Variants in DNAH7 observed in about 807,000 individuals in gnomAD.
DNAH7 encodes the protein dynein axonemal heavy chain 7.
DNAH7 carries 397 observed loss-of-function variants against 444.6 expected under a neutral mutation model. The ratio of observed to expected loss-of-function variants is 0.89; its 90% CI spans 0.82 to 0.97. The LOEUF is 0.97. Ranked by LOEUF, DNAH7 falls within the 50% of genes least tolerant of loss-of-function variation. The pLI, the probability that DNAH7 is intolerant of heterozygous loss-of-function variation, is 0.00. For missense variants in DNAH7, 4,902 were observed against 4,800.8 expected, an observed-to-expected ratio of 1.02 and a Z score of -0.62; for synonymous variants, 1,636 against 1,624.4, an observed-to-expected ratio of 1.01 and a Z score of -0.17.
intron 10 of DNAH7, among the ~76,000 whole-genome samples, chr2:196,007,262 G>A (rs1694434584): frequency 6.6e-6 from 1 of 152,078 alleles, no homozygotes. Flanking sequence ...AGAGAGCCCA[G>A]AAATAAACCC....
rs772929875 is a variant in DNAH7 at position 195,737,953 on chromosome 2, C to T, written c.12043G>A (p.Gly4015Ser). The change falls in exon 65 of 65, where the codon GGT (glycine) becomes AGT (serine). Residue 4015 changes from glycine to serine, a missense_variant. Transcript: ENST00000312428. ...DQPKEHWIGR[G>S]VALLCQLNS ...TTAAGTTGACATAACAGTGCTACAC[C>T]TCGTCCAATCCAGTGTTCCTTGGGT... 9 of 1,613,902 alleles carry T rather than the reference C, an allele frequency of 5.6e-6. No homozygotes were observed. In the Admixed American group the frequency reaches 1.5e-4, roughly 27 times the overall value.
In DNAH7 at chr2:196,019,236, C is replaced by A; in HGVS notation, c.803G>T (p.Arg268Met). The change falls in exon 9 of 65, where the codon AGG becomes ATG. Residue 268 changes from arginine (R) to methionine (M), a missense_variant. Coordinates refer to ENST00000312428, the MANE Select transcript of DNAH7 (RefSeq NM_018897.3). ...KSFLAASSYIRDHLNAMNPTM... is the reference protein window; with the variant it reads ...KSFLAASSYIMDHLNAMNPTM... ...GGGGTTCATTGCATTCAAGTGATCC[C>A]TAATATAACTGCTTGCAGCTAAAAA... The A allele has an allele frequency of 6.6e-7, 1 of 1,517,454 alleles. No individual in the cohort carries two copies. Among genetic ancestry groups the A allele is most frequent in the Non-Finnish European group, 8.9e-7 (1 of 1,120,758 alleles). The allele number at this position is 1,517,454 out of a possible 1,614,324, so 94.0% of individuals were successfully genotyped here.
chr2:195,984,835 A>T (rs1420388393), intron 14 of DNAH7, 125 bp from the exon 15 acceptor site: 1 of 864,474 alleles, frequency 1.2e-6, no homozygotes, highest in African/African-American at 1.7e-5. Context: ...GCTATATGAC[A>T]TCTAATAATT....
In DNAH7 at chr2:195,891,162, G is replaced by A. The variant is rs534045619; in HGVS notation, c.5046+493C>T. Among the ~76,000 whole-genome samples, 195 of 152,310 alleles carry A rather than the reference G, an allele frequency of 1.3e-3. 4 individuals carry two copies. Among genetic ancestry groups the A allele is most frequent in the Non-Finnish European group, 2.9e-5 (2 of 68,038 alleles). ...CACTTGTCTCCTCTGCTTTCCACAA[G>A]GCAGTCATTCTCTTTCTAATATGCT... On this transcript the variant is annotated intron_variant, in intron 31 of 64. Transcript: ENST00000312428.
intron 46 of DNAH7, among the ~76,000 whole-genome samples, chr2:195,846,949 A>ATATGTGTGTGTGTG (rs1553535817): frequency 7.3e-6 from 1 of 137,158 alleles, no homozygotes; most frequent in African/African-American, 2.8e-5. Context: ...ACTCCCATAT[A>ATATGTGTGTGTGTG]TGTGTGTGTG....
At chr2:196,036,392 C>T (rs1193351199) in intron 5 of DNAH7, among the ~76,000 whole-genome samples, 1 of 152,128 alleles carries the variant, frequency 6.6e-6, no homozygotes, top group Non-Finnish European at 1.5e-5. Flanking sequence ...GCTACAATAG[C>T]ATGGCATTGG....
intron 11 of DNAH7, 85 bp from the exon 12 acceptor site, chr2:196,000,968 T>C: frequency 2.7e-6 from 3 of 1,094,146 alleles, no homozygotes; most frequent in Admixed American, 2.9e-5. Context: ...TTAGAATACA[T>C]GGGAACCCAC....
At chr2:195,916,209 C>T (rs1381739331) in intron 24 of DNAH7, among the ~76,000 whole-genome samples, 1 of 152,168 alleles carries the variant, frequency 6.6e-6, no homozygotes. Flanking sequence ...CAAAGAAAAT[C>T]TAGGTGATGC....
chr2:195,806,812 GA>G lies in DNAH7; in HGVS notation c.10103del (p.Phe3368SerfsTer21). 2 of 1,613,414 alleles carry G rather than the reference GA, an allele frequency of 1.2e-6. No homozygotes were observed. The highest frequency in any genetic ancestry group is 2.2e-5 in the South Asian group (2 of 91,050). On this transcript the variant is annotated frameshift_variant, in exon 54 of 65. Coordinates refer to ENST00000312428, the MANE Select transcript of DNAH7 (RefSeq NM_018897.3). LOFTEE classifies it high-confidence loss of function. ...YDSLEPHHEV[F>X]PEEWEDKANE... ...TTGCTTTATCTTCCCATTCTTCAGG[GA>G]AAACCTCATGGTGTGGTTCCTAAAA...
chr2:195,950,095 A>G (rs1690117033), intron 19 of DNAH7, among the ~76,000 whole-genome samples: 1 of 152,132 alleles, frequency 6.6e-6, no homozygotes, highest in African/African-American at 2.4e-5. Flanking sequence ...AGGTTTTGGT[A>G]TCAGGATGAT....
At chr2:195,773,848 G>A (rs758040171) in intron 60 of DNAH7, among the ~76,000 whole-genome samples, 24 of 152,186 alleles carry the variant, frequency 1.6e-4, no homozygotes, top group Admixed American at 7.2e-4. Context: ...AAGGAGCTCT[G>A]CACAAGCAAA....
rs192770960 is a variant in DNAH7, at chr2:195,844,306, T to C, written c.8945+696A>G. ...AGCATTTCCTACTGATAGTAGGAAA[T>C]ATCTGTGCTATCGTTAACATGCTAA... On this transcript the variant is annotated intron_variant, in intron 47 of 64. Transcript: ENST00000312428. 3.9e-5 allele frequency among the ~76,000 whole-genome samples: 6 copies of C among 152,182 alleles called. No homozygotes were observed. In the East Asian group the frequency reaches 9.7e-4, roughly 25 times the overall value.
chr2:195,777,077 T>A (rs186419830), intron 59 of DNAH7, among the ~76,000 whole-genome samples: 1 of 152,170 alleles, frequency 6.6e-6, no homozygotes. Flanking sequence ...TTAATCCTAG[T>A]GGAAGATGAG....
At chr2:196,047,254 G>T in intron 5 of DNAH7, 98 bp downstream of exon 5, 1 of 1,087,590 alleles carries the variant, frequency 9.2e-7, no homozygotes, top group Non-Finnish European at 1.2e-6. Flanking sequence ...AGCCTTTGAG[G>T]CACCCTTAGA....
rs184498867 is a variant in DNAH7 at position 195,744,377 on chromosome 2, G to C, written c.11765-3508C>G. ...GCAGCCAGGAAGCTTGAACTGGGTG[G>C]AGCCCACCACAGCTCAAGGAGGCCT... On this transcript the variant is annotated intron_variant, in intron 63 of 64. Coordinates refer to ENST00000312428, the MANE Select transcript of DNAH7 (RefSeq NM_018897.3). 3.1e-3 allele frequency among the ~76,000 whole-genome samples: 465 copies of C among 152,318 alleles called. 1 individual carries two copies. Among genetic ancestry groups the C allele is most frequent in the Non-Finnish European group, 5.0e-3 (339 of 68,026 alleles).
chr2:195,819,139 A>T (rs1332730730), intron 49 of DNAH7, among the ~76,000 whole-genome samples: 1 of 151,924 alleles, frequency 6.6e-6, no homozygotes, highest in Non-Finnish European at 1.5e-5. Context: ...GCTCCTATTC[A>T]TCTGTCAGTG....
intron 46 of DNAH7, among the ~76,000 whole-genome samples, chr2:195,848,559 G>A (rs1231239798): frequency 1.3e-5 from 2 of 152,188 alleles, no homozygotes; most frequent in South Asian, 2.1e-4. Flanking sequence ...GGGATGCAAC[G>A]CAAAGACACT....
At chr2:195,797,346 C>T (rs533884399) in intron 55 of DNAH7, among the ~76,000 whole-genome samples, 2 of 152,204 alleles carry the variant, frequency 1.3e-5, no homozygotes, top group East Asian at 1.9e-4. Flanking sequence ...GGCCTGGATA[C>T]GGAAGAGTGG....
chr2:195,799,517 C>T (rs1163713912), intron 54 of DNAH7, 45 bp from the exon 55 acceptor site: 2 of 1,433,902 alleles, frequency 1.4e-6, no homozygotes, highest in Non-Finnish European at 1.8e-6. Flanking sequence ...TCAAAATCTG[C>T]CTAAAACCAT....
Sources: allele counts gnomAD v4.1 joint callset (sites outside exome capture counted in the v4.1 genomes callset), GRCh38; gene constraint gnomAD v4.1.1; transcripts MANE v1.5; gene names NCBI Gene and HGNC (gene_info 2026-07-23, HGNC 2026-07-21).